ROS1: variants seen among roughly 807,000 people sequenced by gnomAD.
ROS1 encodes the protein proto-oncogene tyrosine-protein kinase ROS.
A neutral mutation model predicts 273.5 loss-of-function variants in ROS1; 263 were observed. The observed-to-expected ratio is 0.96, with a 90% confidence interval of 0.87 to 1.06. The LOEUF (loss-of-function observed/expected upper bound fraction) is 1.06, where lower values mean the gene tolerates loss of function less well. ROS1 is among the 50% of genes least tolerant of loss of function. ROS1 has a pLI of 0.00. For synonymous variants in ROS1, 1,008 were observed against 954.1 expected (o/e 1.06, Z -1.04); for missense variants, 2,833 against 2,751.1 (o/e 1.03, Z -0.67).
At chr6:117,424,027 C>T (rs1775956252) in intron 1 of ROS1, among the ~76,000 whole-genome samples, 1 of 151,368 alleles carries the variant, frequency 6.6e-6, no homozygotes. Flanking sequence ...AACAAACTGT[C>T]TATTCCTACT....
chr6:117,385,696 C>A lies in ROS1; in HGVS notation c.2276G>T (p.Gly759Val), dbSNP rs368679172. The A allele has an allele frequency of 6.2e-7, 1 of 1,614,064 alleles. No individual in the cohort carries two copies. Among genetic ancestry groups the A allele is most frequent in the Non-Finnish European group, 8.5e-7 (1 of 1,180,014 alleles). ...EWLGHFLYWAGKTYVIQRQSV... is the reference protein window; with the variant it reads ...EWLGHFLYWAVKTYVIQRQSV... Reference sequence around the variant, plus strand: ...GCTTTAACTCACCACATATGTCTTTCCAGCCCAGTAGAGAAAGTGACCCAG... The same window carrying A: ...GCTTTAACTCACCACATATGTCTTTACAGCCCAGTAGAGAAAGTGACCCAG... Residue 759 changes from glycine (G) to valine (V), a missense_variant, in exon 16 of 44, where the codon GGA becomes GTA. Transcript: ENST00000368507.
At position 117,288,772 on chromosome 6, in the gene ROS1, G is replaced by A. The variant is rs538891848; in HGVS notation, c.6746C>T (p.Ser2249Leu). 26 of 1,605,488 alleles carry A rather than the reference G, an allele frequency of 1.6e-5. No homozygotes were observed. The East Asian group carries it at 4.9e-4, about 30-fold the overall frequency. ...GEDGDVICLN[S>L]DDIMPVALME... The stretch of plus-strand genomic sequence containing the variant: ...TAAAGCAACTGGCATAATGTCATCT[G>A]AATTCAAACAAATCACATCGCCATC... The change falls in exon 44 of 44, where the codon TCA (serine) becomes TTA (leucine). Residue 2249 changes from serine to leucine, a missense_variant. Coordinates refer to ENST00000368507, the MANE Select transcript of ROS1 (RefSeq NM_001378902.1).
intron 39 of ROS1, among the ~76,000 whole-genome samples, chr6:117,316,595 C>T (rs955328083): frequency 9.2e-5 from 14 of 151,930 alleles, no homozygotes; most frequent in South Asian, 4.2e-4. Flanking sequence ...AGAAGGACTG[C>T]GGCTGCGTTT....
At chr6:117,408,859 A>T (rs1774651132) in intron 5 of ROS1, among the ~76,000 whole-genome samples, 1 of 152,212 alleles carries the variant, frequency 6.6e-6, no homozygotes, top group Admixed American at 6.5e-5. Flanking sequence ...CGTGGCACAC[A>T]TACACCATGG....
At chr6:117,315,761 T>C (rs1433644389) in intron 39 of ROS1, among the ~76,000 whole-genome samples, 1 of 152,082 alleles carries the variant, frequency 6.6e-6, no homozygotes, top group African/African-American at 2.4e-5. Context: ...TTGAGGAAGA[T>C]TCCCAGGTTG....
intron 43 of ROS1, among the ~76,000 whole-genome samples, chr6:117,293,228 A>T (rs1773969074): frequency 6.6e-6 from 1 of 152,208 alleles, no homozygotes; most frequent in Non-Finnish European, 1.5e-5. Flanking sequence ...TCTCAATAAC[A>T]ACATAGAATG....
At position 117,414,569 on chromosome 6, in the gene ROS1, A is replaced by T. The variant is rs544567178; in HGVS notation, c.229-24T>A. On this transcript the variant is annotated intron_variant, in intron 3 of 43. Coordinates refer to ENST00000368507, the MANE Select transcript of ROS1 (RefSeq NM_001378902.1). ...TTCTGCATAGAAAAAAAAAAAGACT[A>T]CTTAAAATCTTGAAAGTTGTAAATA... The T allele has an allele frequency of 2.1e-4, 150 of 722,296 alleles. No homozygotes were observed. The South Asian group carries it at 2.3e-3, about 11-fold the overall frequency. The allele number at this position is 722,296 out of a possible 1,614,324, so 44.7% of individuals were successfully genotyped here.
intron 28 of ROS1, 47 bp downstream of exon 28, chr6:117,344,013 A>G (rs780420028): frequency 4.6e-6 from 7 of 1,506,656 alleles, no homozygotes; most frequent in Non-Finnish European, 6.4e-6. Context: ...TTTATATCAA[A>G]AAAGAACATC....
intron 27 of ROS1, among the ~76,000 whole-genome samples, chr6:117,349,491 T>C (rs1447192760): frequency 6.6e-6 from 1 of 152,034 alleles, no homozygotes; most frequent in East Asian, 1.9e-4. Context: ...AGACAATGTA[T>C]AGTTGAGTCT....
intron 43 of ROS1, among the ~76,000 whole-genome samples, chr6:117,300,498 A>G (rs981490506): frequency 6.6e-6 from 1 of 152,196 alleles, no homozygotes; most frequent in African/African-American, 2.4e-5. Context: ...ATACACACTA[A>G]AGACGTTAGA....
intron 18 of ROS1, among the ~76,000 whole-genome samples, chr6:117,372,829 T>A (rs184984901): frequency 6.6e-6 from 1 of 152,240 alleles, no homozygotes; most frequent in Non-Finnish European, 1.5e-5. Flanking sequence ...GCTTCTACAC[T>A]GTGGAAAAGG....
chr6:117,329,361 T>G lies in ROS1; in HGVS notation c.5316A>C (p.Gly1772=). 6.4e-7 allele frequency: 1 copy of G among 1,567,696 alleles called. No individual in the cohort carries two copies. The highest frequency in any genetic ancestry group is 8.8e-7 in the Non-Finnish European group (1 of 1,138,566). Residue 1772 remains glycine, a synonymous_variant, in exon 33 of 44, where the codon GGA becomes GGC. Transcript: ENST00000368507. ...CAAGGATATAGTATGTAATTCTACA[T>G]CCATTATCTTCAGCTTTCTCCCACT... ...SIQWEKAEDN[G]CRITYYILEI...
Position 117,298,105 on chromosome 6 carries a change from A to C in ROS1, c.6715+2869T>G, listed in dbSNP as rs568537508. 3.9e-5 allele frequency among the ~76,000 whole-genome samples: 6 copies of C among 152,288 alleles called. No homozygotes were observed. The South Asian group carries it at 1.2e-3, about 32-fold the overall frequency. ...ACTGGAGGCAATTATCTTAAATGAA[A>C]CAAGACAAACACAGAAAGAAATATC... On this transcript the variant is annotated intron_variant, in intron 43 of 43. Transcript: ENST00000368507.
chr6:117,366,376 G>A, intron 18 of ROS1, 86 bp from the exon 19 acceptor site: 2 of 869,632 alleles, frequency 2.3e-6, no homozygotes, highest in Non-Finnish European at 3.9e-6. Flanking sequence ...ATATATGTTT[G>A]TGAGTATCTG....
intron 37 of ROS1, among the ~76,000 whole-genome samples, chr6:117,318,475 A>C (rs1776070646): frequency 6.6e-6 from 1 of 152,150 alleles, no homozygotes; most frequent in African/African-American, 2.4e-5. Flanking sequence ...ATGTTTACAC[A>C]ATATTCCTCC....
intron 31 of ROS1, among the ~76,000 whole-genome samples, chr6:117,338,539 C>CA (rs3086778): frequency 0.22 from 30,466 of 141,530 alleles, 3,217 homozygotes; most frequent in South Asian, 0.28. Flanking sequence ...AACTCCTGGC[C>CA]AAAAAAAAAA....
Position 117,300,016 on chromosome 6 carries a change from G to A in ROS1, c.6715+958C>T, listed in dbSNP as rs555767939. ...CGGCTCACTGCAAGCTCCACCTCCC[G>A]GGTTCATGCCATTCTCCTGCCTCAG... On this transcript the variant is annotated intron_variant, in intron 43 of 43. Transcript: ENST00000368507. Among the ~76,000 whole-genome samples, 192 of 143,914 alleles carry A rather than the reference G, an allele frequency of 1.3e-3. 1 individual carries two copies. The highest frequency in any genetic ancestry group is 4.6e-3 in the African/African-American group (180 of 39,270). The allele number at this position is 143,914 out of a possible 152,430, so 94.4% of individuals were successfully genotyped here.
At position 117,423,744 on chromosome 6, in the gene ROS1, C is replaced by T. The variant is rs187086713; in HGVS notation, c.123+1790G>A. ...AACATTTCTCAATATCAAGAATCAC[C>T]CAATAAAATTATAGATGACCTTCAG... On this transcript the variant is annotated intron_variant, in intron 1 of 43. Coordinates refer to ENST00000368507, the MANE Select transcript of ROS1 (RefSeq NM_001378902.1). Among the ~76,000 whole-genome samples the T allele has an allele frequency of 2.7e-3, 409 of 151,876 alleles. 2 individuals are homozygous for T. Among genetic ancestry groups the T allele is most frequent in the African/African-American group, 9.4e-3 (388 of 41,386 alleles).
At chr6:117,389,082 G>T (rs2128703054) in intron 13 of ROS1, among the ~76,000 whole-genome samples, 1 of 152,268 alleles carries the variant, frequency 6.6e-6, no homozygotes, top group Non-Finnish European at 1.5e-5. Flanking sequence ...GTTCTGACTA[G>T]AATGTCAATG....
Sources: allele counts gnomAD v4.1 joint callset (sites outside exome capture counted in the v4.1 genomes callset), GRCh38; gene constraint gnomAD v4.1.1; transcripts MANE v1.5; gene names NCBI Gene and HGNC (gene_info 2026-07-23, HGNC 2026-07-21).